The following NLGN1 variants were observed in gnomAD, a reference collection of about 807,000 sequenced individuals.
The protein encoded by NLGN1 is neuroligin 1, also known as neuroligin-1.
In NLGN1, 12 loss-of-function variants were observed where a neutral mutation model predicts 65.5. The ratio of observed to expected loss-of-function variants is 0.18; its 90% CI spans 0.12 to 0.30. The LOEUF is 0.30. Among genes scored for constraint, NLGN1 ranks in the 10% least tolerant of loss-of-function variants. The pLI is 1.00. For missense variants in NLGN1, 750 were observed against 1,007.1 expected, an observed-to-expected ratio of 0.74 and a Z score of 3.46; for synonymous variants, 350 against 359.5, an observed-to-expected ratio of 0.97 and a Z score of 0.30.
chr3:173,751,790 G>A (rs889783384), intron 3 of NLGN1, among the ~76,000 whole-genome samples: 7 of 152,102 alleles, frequency 4.6e-5, no homozygotes, highest in African/African-American at 1.7e-4. Context: ...CAGACACTAT[G>A]CTAAGAGCTG....
intron 4 of NLGN1, among the ~76,000 whole-genome samples, chr3:174,188,886 G>A (rs1416743140): frequency 2.0e-5 from 3 of 151,942 alleles, no homozygotes; most frequent in Admixed American, 6.6e-5. Flanking sequence ...AGGCAACAGG[G>A]TCCTTAATCA....
chr3:174,148,700 C>A (rs183748827), intron 4 of NLGN1, among the ~76,000 whole-genome samples: 175 of 152,142 alleles, frequency 1.2e-3, no homozygotes, highest in African/African-American at 1.1e-3. Flanking sequence ...AAATAGAAAT[C>A]AAAAATAGTT....
At chr3:173,681,028 C>T (rs559545941) in intron 3 of NLGN1, among the ~76,000 whole-genome samples, 9 of 152,194 alleles carry the variant, frequency 5.9e-5, no homozygotes, top group Non-Finnish European at 1.3e-4. Flanking sequence ...TCCTTCAACA[C>T]GTTTAACAGT....
At chr3:174,075,455 C>T (rs575684436) in intron 4 of NLGN1, among the ~76,000 whole-genome samples, 4 of 152,112 alleles carry the variant, frequency 2.6e-5, no homozygotes, top group Non-Finnish European at 4.4e-5. Flanking sequence ...TTTGATGAAG[C>T]GGTCCTTTAA....
At chr3:173,872,608 C>G (rs1731381820) in intron 4 of NLGN1, among the ~76,000 whole-genome samples, 1 of 152,144 alleles carries the variant, frequency 6.6e-6, no homozygotes, top group South Asian at 2.1e-4. Context: ...TCAGGCTAAA[C>G]AGAGGCCCCA....
At chr3:174,259,905 A>G (rs1271926928) in intron 4 of NLGN1, among the ~76,000 whole-genome samples, 2 of 141,350 alleles carry the variant, frequency 1.4e-5, no homozygotes, top group African/African-American at 5.3e-5. Context: ...TCATTCTTCA[A>G]TTCCCACCTA....
At chr3:174,139,119 T>G (rs1245190956) in intron 4 of NLGN1, among the ~76,000 whole-genome samples, 1 of 152,100 alleles carries the variant, frequency 6.6e-6, no homozygotes, top group Middle Eastern at 3.2e-3. Flanking sequence ...TGACACATCT[T>G]TATCACTCAG....
At chr3:174,070,466 G>A (rs1391004585) in intron 4 of NLGN1, among the ~76,000 whole-genome samples, 1 of 151,560 alleles carries the variant, frequency 6.6e-6, no homozygotes, top group Admixed American at 6.6e-5. Flanking sequence ...TGAGTAGCTG[G>A]GATTACAGGT....
chr3:173,553,814 T>A (rs1304639542), intron 2 of NLGN1, among the ~76,000 whole-genome samples: 2 of 152,158 alleles, frequency 1.3e-5, no homozygotes, highest in Admixed American at 1.3e-4. Flanking sequence ...ACAGAAGGGC[T>A]CTTAGCTATT....
At chr3:173,879,211 G>A (rs1466930686) in intron 4 of NLGN1, among the ~76,000 whole-genome samples, 1 of 151,016 alleles carries the variant, frequency 6.6e-6, no homozygotes, top group African/African-American at 2.4e-5. Context: ...CAGCCTGGGT[G>A]ACAAAGTGAC....
At chr3:173,675,411 C>A (rs1762986564) in intron 3 of NLGN1, among the ~76,000 whole-genome samples, 1 of 152,054 alleles carries the variant, frequency 6.6e-6, no homozygotes, top group South Asian at 2.1e-4. Context: ...CATCTAGGAG[C>A]TTCAGGTAGC....
intron 2 of NLGN1, among the ~76,000 whole-genome samples, chr3:173,552,897 A>G (rs1034720637): frequency 6.6e-6 from 1 of 152,202 alleles, no homozygotes; most frequent in Admixed American, 6.5e-5. Context: ...TTGAAACTTG[A>G]AATCTGTATG....
intron 4 of NLGN1, among the ~76,000 whole-genome samples, chr3:174,128,496 C>T (rs1245748685): frequency 1.3e-5 from 2 of 152,174 alleles, no homozygotes; most frequent in Non-Finnish European, 2.9e-5. Flanking sequence ...AAGAAAGTAG[C>T]TTTCGCCTCC....
chr3:173,669,702 G>A (rs373650696), intron 3 of NLGN1, among the ~76,000 whole-genome samples: 4 of 152,076 alleles, frequency 2.6e-5, no homozygotes, highest in African/African-American at 9.7e-5. Context: ...TTACAATATT[G>A]TTTTTTCTAA....
intron 4 of NLGN1, among the ~76,000 whole-genome samples, chr3:173,859,516 T>C (rs1304092519): frequency 6.6e-6 from 1 of 152,126 alleles, no homozygotes; most frequent in East Asian, 1.9e-4. Flanking sequence ...GGGCCCTATT[T>C]CACTCTTTAG....
At chr3:173,445,113 A>G (rs13082012) in intron 2 of NLGN1, among the ~76,000 whole-genome samples, 1 of 151,556 alleles carries the variant, frequency 6.6e-6, no homozygotes, top group South Asian at 2.1e-4. Flanking sequence ...CTAAAAATAC[A>G]AAAAATTAGC....
exon 7 of NLGN1, chr3:174,284,608 T>TA (rs1202231275): frequency 8.6e-5 from 13 of 151,440 alleles, no homozygotes; most frequent in Middle Eastern, 3.4e-3. Flanking sequence ...ACCAAGAGAT[T>TA]AATGTTTTAG....
At chr3:173,908,673 G>A (rs1462543625) in intron 4 of NLGN1, among the ~76,000 whole-genome samples, 3 of 152,124 alleles carry the variant, frequency 2.0e-5, no homozygotes, top group African/African-American at 7.2e-5. Flanking sequence ...TAACTCTAGT[G>A]GGGCTGGCAA....
intron 3 of NLGN1, among the ~76,000 whole-genome samples, chr3:173,684,074 TA>T (rs1310798815): frequency 6.6e-6 from 1 of 152,194 alleles, no homozygotes; most frequent in East Asian, 1.9e-4. Flanking sequence ...ATATTGTTAT[TA>T]TTACTTAATT....
Sources: gnomAD v4.1 joint callset for allele counts (sites outside exome capture counted in the v4.1 genomes callset) on GRCh38, gnomAD v4.1.1 for gene constraint, MANE v1.5 for transcripts, NCBI Gene and HGNC (gene_info 2026-07-23, HGNC 2026-07-21) for gene names.